The following ALKBH8 variants were observed in gnomAD, a reference collection of about 807,000 sequenced individuals.
ALKBH8 encodes tRNA (carboxymethyluridine(34)-5-O)-methyltransferase ALKBH8.
A neutral mutation model predicts 59.8 loss-of-function variants in ALKBH8; 36 were observed. The ratio of observed to expected loss-of-function variants is 0.60; its 90% CI spans 0.46 to 0.79. ALKBH8 has a LOEUF of 0.79. Ranked by LOEUF, ALKBH8 falls within the 30% of genes least tolerant of loss-of-function variation. The pLI, the probability that ALKBH8 is intolerant of heterozygous loss-of-function variation, is 0.00. For synonymous variants in ALKBH8, 276 were observed against 273.6 expected, an observed-to-expected ratio of 1.01 and a Z score of -0.09; for missense variants, 768 against 801.0, an observed-to-expected ratio of 0.96 and a Z score of 0.50.
intron 6 of ALKBH8, 33 bp from the exon 7 acceptor site, chr11:107,549,856 AT>A: frequency 1.4e-6 from 2 of 1,454,644 alleles, no homozygotes; most frequent in Non-Finnish European, 1.9e-6. Context: ...ACGTCACTTC[AT>A]TTTTTCCTTT....
chr11:107,557,840 G>C (rs1864779260), intron 2 of ALKBH8, among the ~76,000 whole-genome samples: 1 of 152,128 alleles, frequency 6.6e-6, no homozygotes, highest in African/African-American at 2.4e-5. Flanking sequence ...CACCCATATA[G>C]TCTCTATACT....
intron 10 of ALKBH8, among the ~76,000 whole-genome samples, chr11:107,516,738 G>A (rs1370845516): frequency 6.6e-6 from 1 of 152,186 alleles, no homozygotes; most frequent in East Asian, 1.9e-4. Context: ...ATATCAACAG[G>A]CTGGGCACAG....
chr11:107,565,296 A>C (rs1473963739), intron 1 of ALKBH8: 1 of 496,436 alleles, frequency 2.0e-6, no homozygotes, highest in African/African-American at 1.9e-5. Context: ...AAGCCCCAGA[A>C]GCGCCACACT....
At chr11:107,526,011 T>C (rs1487255215) in intron 8 of ALKBH8, among the ~76,000 whole-genome samples, 1 of 152,038 alleles carries the variant, frequency 6.6e-6, no homozygotes, top group Non-Finnish European at 1.5e-5. Context: ...AATAACTACA[T>C]GGTAATTACA....
At chr11:107,513,911 T>G (rs633430) in intron 10 of ALKBH8, among the ~76,000 whole-genome samples, 142,433 of 152,126 alleles carry the variant, frequency 0.94, 66,824 homozygotes, top group South Asian at 0.97. Context: ...GGCGGGGTGG[T>G]GTACAGATAA....
chr11:107,533,178 T>C (rs1228938528), intron 7 of ALKBH8, among the ~76,000 whole-genome samples: 1 of 152,092 alleles, frequency 6.6e-6, no homozygotes, highest in Non-Finnish European at 1.5e-5. Context: ...AAGACTTCAG[T>C]CTAAAAATAG....
chr11:107,541,001 C>T (rs530438308), intron 7 of ALKBH8, among the ~76,000 whole-genome samples: 1 of 152,164 alleles, frequency 6.6e-6, no homozygotes, highest in South Asian at 2.1e-4. Context: ...TCTGGGCTTT[C>T]CTCCTTAAGC....
At chr11:107,538,878 T>C (rs1157896059) in intron 7 of ALKBH8, among the ~76,000 whole-genome samples, 2 of 152,134 alleles carry the variant, frequency 1.3e-5, no homozygotes, top group Admixed American at 6.6e-5. Context: ...AAAGAATAGC[T>C]GGACAGGGGA....
At chr11:107,534,597 A>C (rs192093346) in intron 7 of ALKBH8, among the ~76,000 whole-genome samples, 5 of 152,336 alleles carry the variant, frequency 3.3e-5, no homozygotes, top group African/African-American at 1.2e-4. Flanking sequence ...ATTTCAGCTT[A>C]AACAAGTGAT....
intron 9 of ALKBH8, among the ~76,000 whole-genome samples, chr11:107,524,624 A>T (rs1028518044): frequency 1.2e-4 from 19 of 152,224 alleles, no homozygotes; most frequent in African/African-American, 4.1e-4. Flanking sequence ...CTTCAAGGAC[A>T]CTTTTAGTAA....
chr11:107,544,136 A>G (rs945754721), intron 7 of ALKBH8, among the ~76,000 whole-genome samples: 7 of 152,318 alleles, frequency 4.6e-5, no homozygotes, highest in South Asian at 4.1e-4. Context: ...TTCTAGTTCT[A>G]CAATCCAGAT....
intron 7 of ALKBH8, among the ~76,000 whole-genome samples, chr11:107,537,561 G>A (rs762232008): frequency 1.2e-4 from 18 of 152,160 alleles, no homozygotes; most frequent in South Asian, 2.1e-4. Flanking sequence ...GTTGGAGGGG[G>A]TGGTGGGGGA....
chr11:107,515,426 G>A (rs1363109049), intron 10 of ALKBH8, among the ~76,000 whole-genome samples: 1 of 152,148 alleles, frequency 6.6e-6, no homozygotes, highest in Non-Finnish European at 1.5e-5. Context: ...CACAAACACA[G>A]CTCACTGCAG....
At chr11:107,555,419 T>C (rs1864667666) in intron 3 of ALKBH8, among the ~76,000 whole-genome samples, 1 of 152,248 alleles carries the variant, frequency 6.6e-6, no homozygotes, top group African/African-American at 2.4e-5. Flanking sequence ...TGCAATTTCT[T>C]ACTGAATATT....
chr11:107,514,921 C>A (rs1421976131), intron 10 of ALKBH8, among the ~76,000 whole-genome samples: 7 of 152,084 alleles, frequency 4.6e-5, no homozygotes, highest in Non-Finnish European at 1.0e-4. Context: ...AGAACAACAG[C>A]CAAACAAAAC....
chr11:107,535,301 C>T (rs1863768089), intron 7 of ALKBH8, among the ~76,000 whole-genome samples: 1 of 152,294 alleles, frequency 6.6e-6, no homozygotes, highest in Admixed American at 6.5e-5. Context: ...AATGGCAGAT[C>T]TACTTTTAGT....
intron 8 of ALKBH8, among the ~76,000 whole-genome samples, chr11:107,529,509 C>T (rs1233800291): frequency 1.3e-5 from 2 of 149,922 alleles, no homozygotes; most frequent in African/African-American, 4.9e-5. Flanking sequence ...CCATCTCCTA[C>T]TTCTTTTTTT....
chr11:107,519,500 T>C (rs1013296202), intron 10 of ALKBH8, among the ~76,000 whole-genome samples: 25 of 152,168 alleles, frequency 1.6e-4, no homozygotes, highest in Admixed American at 2.0e-4. Flanking sequence ...CAGTTTAAAG[T>C]GCAGAGAAAT....
rs1864561575 is a variant in ALKBH8, at chr11:107,553,092, A to G, written c.595+16T>C. On this transcript the variant is annotated intron_variant, in intron 5 of 11. Transcript: ENST00000428149. ...ATTTTTGAGCCAGAATTTATTATGT[A>G]TTAGCAATTACTTACCCCCAGATAA... 8 of 1,490,896 alleles carry G rather than the reference A, an allele frequency of 5.4e-6. No individual in the cohort carries two copies. Among genetic ancestry groups the G allele is most frequent in the Non-Finnish European group, 6.4e-6 (7 of 1,086,238 alleles). The allele number at this position is 1,490,896 out of a possible 1,614,324, so 92.4% of individuals were successfully genotyped here.
Sources: allele counts gnomAD v4.1 joint callset (sites outside exome capture counted in the v4.1 genomes callset), GRCh38; gene constraint gnomAD v4.1.1; transcripts MANE v1.5; gene names NCBI Gene and HGNC (gene_info 2026-07-23, HGNC 2026-07-21).